The following KCND2 variants were observed in gnomAD, a reference collection of about 807,000 sequenced individuals.
KCND2 encodes the protein potassium voltage-gated channel subfamily D member 2, also known as A-type voltage-gated potassium channel KCND2.
In KCND2, 16 loss-of-function variants were observed where a neutral mutation model predicts 54.4. The observed-to-expected ratio is 0.29, with a 90% CI of 0.20 to 0.45. The LOEUF is 0.45. Among genes scored for constraint, KCND2 ranks in the 20% least tolerant of loss-of-function variants. The pLI, the probability that KCND2 is intolerant of heterozygous loss-of-function variation, is 1.00. For missense variants in KCND2, 486 were observed against 824.2 expected (o/e 0.59, Z 5.02); for synonymous variants, 317 against 310.7 (o/e 1.02, Z -0.21).
intron 2 of KCND2, among the ~76,000 whole-genome samples, chr7:120,736,272 G>T: frequency 6.6e-6 from 1 of 151,890 alleles, no homozygotes; most frequent in South Asian, 2.1e-4. Context: ...TCCTACTTTT[G>T]CTGTCCACTC....
chr7:120,440,775 C>T (rs1801935750), intron 1 of KCND2, among the ~76,000 whole-genome samples: 1 of 151,860 alleles, frequency 6.6e-6, no homozygotes, highest in Non-Finnish European at 1.5e-5. Context: ...TTTCATATAT[C>T]CCTAGTTTAC....
intron 1 of KCND2, among the ~76,000 whole-genome samples, chr7:120,366,027 A>G (rs1800673121): frequency 6.6e-6 from 1 of 152,138 alleles, no homozygotes; most frequent in South Asian, 2.1e-4. Context: ...GCAATTTTAG[A>G]CAATTGTTAA....
chr7:120,292,528 G>C (rs1453393185), intron 1 of KCND2, among the ~76,000 whole-genome samples: 2 of 151,672 alleles, frequency 1.3e-5, no homozygotes, highest in African/African-American at 4.8e-5. Flanking sequence ...ACTTTTCCCT[G>C]TTCAATCTTC....
chr7:120,463,877 G>A (rs139728657), intron 1 of KCND2, among the ~76,000 whole-genome samples: 3 of 150,138 alleles, frequency 2.0e-5, no homozygotes, highest in Admixed American at 6.7e-5. Context: ...GAATTGAAAG[G>A]TAGATAGAAG....
chr7:120,743,477 T>C (rs1370756641), intron 4 of KCND2, among the ~76,000 whole-genome samples: 1 of 152,126 alleles, frequency 6.6e-6, no homozygotes, highest in Non-Finnish European at 1.5e-5. Flanking sequence ...AGCCTCTGTT[T>C]ATAAAACAAA....
At chr7:120,594,187 G>C (rs933603954) in intron 1 of KCND2, among the ~76,000 whole-genome samples, 2 of 152,130 alleles carry the variant, frequency 1.3e-5, no homozygotes, top group Non-Finnish European at 2.9e-5. Flanking sequence ...CAAATATAAA[G>C]TTTTAAGAGT....
chr7:120,732,684 A>G (rs1269560268), intron 1 of KCND2, among the ~76,000 whole-genome samples: 1 of 152,174 alleles, frequency 6.6e-6, no homozygotes, highest in Non-Finnish European at 1.5e-5. Flanking sequence ...AAGATTACTT[A>G]ATGTTAGAAT....
At chr7:120,725,155 C>T (rs1792717705) in intron 1 of KCND2, among the ~76,000 whole-genome samples, 1 of 152,130 alleles carries the variant, frequency 6.6e-6, no homozygotes, top group South Asian at 2.1e-4. Context: ...TGAAATCCCA[C>T]ATTGAGGGTT....
At chr7:120,464,916 G>T (rs1802346072) in intron 1 of KCND2, among the ~76,000 whole-genome samples, 1 of 152,054 alleles carries the variant, frequency 6.6e-6, no homozygotes, top group Non-Finnish European at 1.5e-5. Context: ...CTTTTAAAGG[G>T]CTCATGTGAT....
intron 1 of KCND2, among the ~76,000 whole-genome samples, chr7:120,320,608 T>C (rs1799881018): frequency 1.3e-5 from 2 of 152,032 alleles, no homozygotes; most frequent in South Asian, 2.1e-4. Context: ...CTTTGGAAAA[T>C]TGATTGAAGC....
intron 1 of KCND2, among the ~76,000 whole-genome samples, chr7:120,603,327 G>A (rs1015740869): frequency 6.6e-6 from 1 of 152,132 alleles, no homozygotes. Flanking sequence ...TCTATGAGAC[G>A]TGCCCCTTCT....
chr7:120,618,548 C>CTT (rs200940670), intron 1 of KCND2, among the ~76,000 whole-genome samples: 1 of 146,068 alleles, frequency 6.8e-6, no homozygotes, highest in East Asian at 2.0e-4. Context: ...AATTAACACT[C>CTT]TTTTTTTTTT....
At position 120,344,300 on chromosome 7, in the gene KCND2, A is replaced by G. The variant is rs112908494; in HGVS notation, c.1115+68553A>G. ...CCGCCTACTCAGAACTGAACCAGAC[A>G]AGATAACACATAAAAGAACAGATAT... On this transcript the variant is annotated intron_variant, in intron 1 of 5. Transcript: ENST00000331113. Among the ~76,000 whole-genome samples, 254 of 152,282 alleles carry G rather than the reference A, an allele frequency of 1.7e-3. 1 individual carries two copies. Among genetic ancestry groups the G allele is most frequent in the African/African-American group, 5.9e-3 (244 of 41,556 alleles).
chr7:120,410,059 T>C (rs1028508824), intron 1 of KCND2, among the ~76,000 whole-genome samples: 5 of 151,970 alleles, frequency 3.3e-5, no homozygotes, highest in Non-Finnish European at 5.9e-5. Flanking sequence ...TTATGTGATA[T>C]GAGATAAAAA....
At chr7:120,655,352 C>G (rs1440372726) in intron 1 of KCND2, among the ~76,000 whole-genome samples, 1 of 151,932 alleles carries the variant, frequency 6.6e-6, no homozygotes, top group African/African-American at 2.4e-5. Context: ...CTACAGGACC[C>G]TTGGGATGCC....
At chr7:120,530,028 A>G (rs1291308892) in intron 1 of KCND2, among the ~76,000 whole-genome samples, 1 of 152,070 alleles carries the variant, frequency 6.6e-6, no homozygotes, top group East Asian at 1.9e-4. Context: ...AGCCATGATC[A>G]TGCCACTGCA....
chr7:120,598,908 A>G (rs1189779267), intron 1 of KCND2, among the ~76,000 whole-genome samples: 1 of 152,116 alleles, frequency 6.6e-6, no homozygotes, highest in East Asian at 1.9e-4. Context: ...TCTTTTACTA[A>G]TCAAGGTTAC....
intron 1 of KCND2, among the ~76,000 whole-genome samples, chr7:120,536,356 G>C (rs558183333): frequency 2.0e-5 from 3 of 152,148 alleles, no homozygotes; most frequent in African/African-American, 7.2e-5. Context: ...GACTGATCAC[G>C]GTGGTGTTCC....
At chr7:120,697,606 G>GATAT (rs1233606787) in intron 1 of KCND2, among the ~76,000 whole-genome samples, 5 of 152,144 alleles carry the variant, frequency 3.3e-5, no homozygotes, top group Non-Finnish European at 7.4e-5. Flanking sequence ...AACATGAAAG[G>GATAT]ATATAAAATG....
Sources: allele counts gnomAD v4.1 joint callset (sites outside exome capture counted in the v4.1 genomes callset), GRCh38; gene constraint gnomAD v4.1.1; transcripts MANE v1.5; gene names NCBI Gene and HGNC (gene_info 2026-07-23, HGNC 2026-07-21).